Variants in SHANK2 observed in about 807,000 individuals in gnomAD.
SHANK2 encodes SH3 and multiple ankyrin repeat domains 2, also known as SH3 and multiple ankyrin repeat domains protein 2.
Under a neutral mutation model 133.7 loss-of-function variants are expected in SHANK2, and 43 were observed. The observed-to-expected ratio is 0.32, with a 90% CI of 0.25 to 0.41. The LOEUF (loss-of-function observed/expected upper bound fraction) is 0.41, where lower values mean the gene tolerates loss of function less well. SHANK2 is among the 10% of genes least tolerant of loss of function. The pLI is 1.00. For missense variants in SHANK2, 1,994 were observed against 2,235.8 expected, an observed-to-expected ratio of 0.89 and a Z score of 2.18; for synonymous variants, 1,017 against 952.8, an observed-to-expected ratio of 1.07 and a Z score of -1.24.
intron 11 of SHANK2, among the ~76,000 whole-genome samples, chr11:70,880,194 C>T (rs566206990): frequency 6.6e-6 from 1 of 152,352 alleles, no homozygotes; most frequent in South Asian, 2.1e-4. Context: ...CTACTCTGAG[C>T]TTCCTGGTTA....
intron 12 of SHANK2, 71 bp downstream of exon 12, chr11:70,820,292 AC>A: frequency 1.7e-6 from 1 of 588,168 alleles, no homozygotes; most frequent in Non-Finnish European, 3.1e-6. Context: ...CTTCTGGGCC[AC>A]CCCAAGTTGG....
At chr11:70,611,334 G>A (rs1313812910) in intron 17 of SHANK2, among the ~76,000 whole-genome samples, 10 of 152,222 alleles carry the variant, frequency 6.6e-5, no homozygotes, top group East Asian at 1.9e-4. Context: ...ATGGTGAGGC[G>A]GGGCCAGCAG....
chr11:70,926,181 G>T (rs1555081566), intron 10 of SHANK2, among the ~76,000 whole-genome samples: 1 of 152,180 alleles, frequency 6.6e-6, no homozygotes, highest in African/African-American at 2.4e-5. Context: ...GCCAAGGCTG[G>T]CAGATCCCTT....
At chr11:71,179,444 T>C (rs1461371862) in intron 2 of SHANK2, among the ~76,000 whole-genome samples, 1 of 152,208 alleles carries the variant, frequency 6.6e-6, no homozygotes, top group African/African-American at 2.4e-5. Context: ...AAAGCAGAAC[T>C]GGAAGGGAGT....
intron 14 of SHANK2, among the ~76,000 whole-genome samples, chr11:70,770,729 G>A (rs1947229288): frequency 6.6e-6 from 1 of 152,058 alleles, no homozygotes; most frequent in South Asian, 2.1e-4. Context: ...GAATCAACTG[G>A]AGCATGGGCC....
At chr11:70,917,706 G>A (rs538132234) in intron 10 of SHANK2, among the ~76,000 whole-genome samples, 1 of 152,198 alleles carries the variant, frequency 6.6e-6, no homozygotes, top group East Asian at 1.9e-4. Flanking sequence ...CCTTTGCAGG[G>A]GCATGGATGA....
At chr11:70,826,563 G>A in intron 11 of SHANK2, 1 of 470,976 alleles carries the variant, frequency 2.1e-6, no homozygotes, top group Non-Finnish European at 4.4e-6. Context: ...TGGGAGGAAG[G>A]ACAGGCGTGC....
intron 15 of SHANK2, among the ~76,000 whole-genome samples, chr11:70,672,299 A>G (rs4980632): frequency 0.59 from 89,328 of 151,784 alleles, 26,669 homozygotes; most frequent in Non-Finnish European, 0.64. Context: ...CCTGACCTCA[A>G]GTGATCCACC....
chr11:70,815,478 G>A lies in SHANK2; in HGVS notation c.1493+4886C>T, dbSNP rs562135174. ...CCACTAACAGCCCTCACCTCCCAGC[G>A]GACACTCACCATCCACAGATCGGCC... On this transcript the variant is annotated intron_variant, in intron 12 of 25. Coordinates refer to ENST00000601538, the MANE Select transcript of SHANK2 (RefSeq NM_012309.5). Among the ~76,000 whole-genome samples the A allele has an allele frequency of 1.3e-4, 20 of 152,194 alleles. No individual in the cohort carries two copies. In the East Asian group the frequency reaches 2.1e-3, roughly 16 times the overall value.
intron 3 of SHANK2, among the ~76,000 whole-genome samples, chr11:71,141,448 C>T (rs1369027624): frequency 6.6e-6 from 1 of 152,062 alleles, no homozygotes; most frequent in East Asian, 1.9e-4. Context: ...ACAGAGGTTG[C>T]TGTGAGGTGA....
At chr11:70,496,606 G>A (rs1231366026) in intron 21 of SHANK2, among the ~76,000 whole-genome samples, 1 of 152,238 alleles carries the variant, frequency 6.6e-6, no homozygotes, top group Non-Finnish European at 1.5e-5. Flanking sequence ...CTAATGAGAA[G>A]CTGGCTGTAG....
chr11:70,692,603 G>A (rs1388912064), intron 15 of SHANK2, among the ~76,000 whole-genome samples: 3 of 152,220 alleles, frequency 2.0e-5, no homozygotes, highest in Non-Finnish European at 4.4e-5. Flanking sequence ...AGAGCCTCAG[G>A]AACCCAGCAA....
At chr11:71,080,415 T>A (rs991185859) in intron 8 of SHANK2, among the ~76,000 whole-genome samples, 1 of 152,192 alleles carries the variant, frequency 6.6e-6, no homozygotes, top group Non-Finnish European at 1.5e-5. Flanking sequence ...CGCCACCTGC[T>A]GGACACTGGT....
At chr11:70,647,733 G>A (rs1278770882) in intron 17 of SHANK2, among the ~76,000 whole-genome samples, 7 of 152,196 alleles carry the variant, frequency 4.6e-5, no homozygotes, top group African/African-American at 1.7e-4. Context: ...TCTGAGCTCT[G>A]TCTTAACAAA....
intron 17 of SHANK2, among the ~76,000 whole-genome samples, chr11:70,572,495 T>C (rs1359095964): frequency 1.3e-5 from 2 of 151,994 alleles, no homozygotes; most frequent in African/African-American, 4.8e-5. Context: ...ATCTAGGGTA[T>C]TTTGCCCTAG....
chr11:71,181,782 C>T (rs1031326368), intron 2 of SHANK2, among the ~76,000 whole-genome samples: 1 of 152,230 alleles, frequency 6.6e-6, no homozygotes, highest in Non-Finnish European at 1.5e-5. Context: ...TGGACGCCGT[C>T]AGAGCCACCT....
At chr11:70,793,599 C>T (rs1358207578) in intron 14 of SHANK2, among the ~76,000 whole-genome samples, 2 of 152,048 alleles carry the variant, frequency 1.3e-5, no homozygotes, top group African/African-American at 4.8e-5. Flanking sequence ...ATCATCATCC[C>T]CAGAAAAATG....
chr11:71,091,774 G>A (rs562558651), intron 8 of SHANK2, among the ~76,000 whole-genome samples: 10 of 152,212 alleles, frequency 6.6e-5, no homozygotes, highest in Non-Finnish European at 1.3e-4. Context: ...TCCTGCTCCC[G>A]GGAGCATCAT....
chr11:70,731,635 C>A (rs146114723), intron 14 of SHANK2, among the ~76,000 whole-genome samples: 4 of 152,342 alleles, frequency 2.6e-5, no homozygotes, highest in African/African-American at 9.6e-5. Context: ...AGACCACAGT[C>A]TGTCCATCCA....
Sources: allele counts gnomAD v4.1 joint callset (sites outside exome capture counted in the v4.1 genomes callset), GRCh38; gene constraint gnomAD v4.1.1; transcripts MANE v1.5; gene names NCBI Gene and HGNC (gene_info 2026-07-23, HGNC 2026-07-21).